FAM193A: variants seen among roughly 807,000 people sequenced by gnomAD.
FAM193A encodes the protein family with sequence similarity 193 member A.
Under a neutral mutation model 126.5 loss-of-function variants are expected in FAM193A, and 22 were observed. The observed-to-expected ratio is 0.17, with a 90% confidence interval of 0.12 to 0.25. The LOEUF (loss-of-function observed/expected upper bound fraction) is 0.25, where lower values mean the gene tolerates loss of function less well. Ranked by LOEUF, FAM193A falls within the 10% of genes least tolerant of loss-of-function variation. The pLI is 1.00. For missense variants in FAM193A, 1,675 were observed against 1,672.8 expected, an observed-to-expected ratio of 1.00 and a Z score of -0.02; for synonymous variants, 761 against 646.8, an observed-to-expected ratio of 1.18 and a Z score of -2.68.
upstream of FAM193A, among the ~76,000 whole-genome samples, chr4:2,536,460 G>C (rs761804228): frequency 2.9e-4 from 44 of 151,850 alleles, no homozygotes; most frequent in Non-Finnish European, 4.3e-4. Flanking sequence ...GCTGCTGCAC[G>C]GGCAGCACGG....
intron 2 of FAM193A, among the ~76,000 whole-genome samples, chr4:2,601,720 C>T (rs1741208265): frequency 6.7e-6 from 1 of 149,718 alleles, no homozygotes; most frequent in Non-Finnish European, 1.5e-5. Context: ...AAGACTCTGT[C>T]TCTATAAAAA....
intron 15 of FAM193A, among the ~76,000 whole-genome samples, chr4:2,691,789 A>G (rs1278278732): frequency 6.6e-6 from 1 of 151,264 alleles, no homozygotes; most frequent in East Asian, 1.9e-4. Context: ...AAAAAAAAAA[A>G]GTTAAAAAAA....
chr4:2,710,454 G>A (rs936769127), intron 19 of FAM193A, among the ~76,000 whole-genome samples: 1 of 150,264 alleles, frequency 6.7e-6, no homozygotes, highest in South Asian at 2.1e-4. Context: ...ATTACAGGTG[G>A]GAGCCACTGT....
In FAM193A at chr4:2,659,870, C is replaced by G. The variant is rs200559674; in HGVS notation, c.1561C>G (p.Pro521Ala). 23 of 1,613,994 alleles carry G rather than the reference C, an allele frequency of 1.4e-5. No individual in the cohort carries two copies. The highest frequency in any genetic ancestry group is 1.7e-5 in the Non-Finnish European group (20 of 1,179,974). ...HILTCGIMDP[P>A]VTDDIHIHQL... Reference sequence around the variant, plus strand: ...CCTCACGTGTGGTATCATGGACCCCCCCGTCACTGATGACATCCACATTCA... The same window carrying G: ...CCTCACGTGTGGTATCATGGACCCCGCCGTCACTGATGACATCCACATTCA... Residue 521 changes from proline (P) to alanine (A), a missense_variant, in exon 10 of 21, where the codon CCC becomes GCC. Physicochemically the swap from Pro to Ala is conservative, Grantham distance 27 (BLOSUM62 -1). This residue lies in a region of FAM193A where 1,186 missense variants were observed against 1,109.2 expected (regional missense o/e 1.07). Coordinates refer to ENST00000637812, the MANE Select transcript of FAM193A (RefSeq NM_001366318.2).
At chr4:2,588,873 T>A (rs1048567962) in intron 1 of FAM193A, among the ~76,000 whole-genome samples, 1 of 152,200 alleles carries the variant, frequency 6.6e-6, no homozygotes, top group Non-Finnish European at 1.5e-5. Flanking sequence ...TTATTTGACC[T>A]TAGTAGATTA....
chr4:2,711,284 T>C (rs1718942489), intron 19 of FAM193A, among the ~76,000 whole-genome samples: 1 of 152,172 alleles, frequency 6.6e-6, no homozygotes, highest in African/African-American at 2.4e-5. Context: ...TCTGATCTTT[T>C]TCTTAACAAT....
At chr4:2,663,332 G>T (rs781506151) in intron 12 of FAM193A, 44 bp downstream of exon 12, 1 of 1,462,360 alleles carries the variant, frequency 6.8e-7, no homozygotes, top group South Asian at 1.4e-5. Context: ...CTTTTTCTGT[G>T]TGTATTTTCT....
rs1275944503 is a variant in FAM193A, at chr4:2,716,012, T to C, written c.4373-11T>C. ...TGTAATTTGACTTGCTGCTTCTCTT[T>C]TGTTTTACAGATGATGTCTTTCTAC... On this transcript the variant is annotated splice_polypyrimidine_tract_variant and intron_variant, in intron 19 of 20. Transcript: ENST00000637812. The C allele has an allele frequency of 9.2e-6, 14 of 1,518,084 alleles. No homozygotes were observed. The highest frequency in any genetic ancestry group is 1.3e-5 in the Non-Finnish European group (14 of 1,092,244). The allele number at this position is 1,518,084 out of a possible 1,614,324, so 94.0% of individuals were successfully genotyped here. A position where few individuals can be genotyped will look rare whatever the true frequency, so the allele number is the denominator to read the frequency against.
intron 19 of FAM193A, among the ~76,000 whole-genome samples, chr4:2,710,934 C>G (rs1379272678): frequency 2.1e-5 from 3 of 145,766 alleles, no homozygotes; most frequent in Non-Finnish European, 1.5e-5. Flanking sequence ...TCACTGCAAA[C>G]TCCGCCTCCC....
At chr4:2,618,741 G>A (rs1175857682) in intron 2 of FAM193A, among the ~76,000 whole-genome samples, 4 of 151,740 alleles carry the variant, frequency 2.6e-5, no homozygotes, top group Non-Finnish European at 4.4e-5. Context: ...GATTACAGGC[G>A]TGTGCCATCA....
chr4:2,593,432 C>G (rs931890193), intron 1 of FAM193A, among the ~76,000 whole-genome samples: 1 of 152,220 alleles, frequency 6.6e-6, no homozygotes, highest in Admixed American at 6.5e-5. Flanking sequence ...GGGGTCTCCT[C>G]AAGGAGGCCC....
rs530257407 is a variant in FAM193A, at chr4:2,586,190, C to G, written c.256-9894C>G. ...CCCAGGAGGGAGAGGTTGCAGTGAC[C>G]TGAGATGATGCCATTGCACTCCAGC... On this transcript the variant is annotated intron_variant, in intron 1 of 20. Coordinates refer to ENST00000637812, the MANE Select transcript of FAM193A (RefSeq NM_001366318.2). 3.3e-5 allele frequency among the ~76,000 whole-genome samples: 5 copies of G among 151,714 alleles called. No individual in the cohort carries two copies. The South Asian group carries it at 6.2e-4, about 19-fold the overall frequency.
At position 2,596,135 on chromosome 4, in the gene FAM193A, G is replaced by A. The variant is rs1401140653; in HGVS notation, c.307G>A (p.Asp103Asn). 2.8e-6 allele frequency: 2 copies of A among 702,950 alleles called. No homozygotes were observed. The highest frequency in any genetic ancestry group is 5.2e-6 in the Non-Finnish European group (2 of 384,996). The allele number at this position is 702,950 out of a possible 1,614,324, so 43.5% of individuals were successfully genotyped here. A position where few individuals can be genotyped will look rare whatever the true frequency, so the allele number is the denominator to read the frequency against. The change falls in exon 2 of 21, where the codon GAT becomes AAT. Residue 103 changes from aspartate (D) to asparagine (N), a missense_variant. Around this residue, in one of 4 missense-constraint regions of FAM193A, gnomAD observed 1,186 missense variants for 1,109.2 expected, o/e 1.07. Transcript: ENST00000637812. ...NHRTPPYPAG[D>N]YCLLCRSERK... ...TAGGACACCACCCTACCCTGCTGGG[G>A]ATTATTGTCTTCTGTGCAGAAGTGA...
chr4:2,717,012 C>T (rs1305684439), intron 20 of FAM193A, among the ~76,000 whole-genome samples: 2 of 151,750 alleles, frequency 1.3e-5, no homozygotes, highest in African/African-American at 4.8e-5. Context: ...GAGACAGAGT[C>T]TCTGTCACCC....
intron 20 of FAM193A, among the ~76,000 whole-genome samples, chr4:2,721,216 G>A (rs1720106609): frequency 6.6e-6 from 1 of 151,218 alleles, no homozygotes; most frequent in Non-Finnish European, 1.5e-5. Flanking sequence ...GGGAGGCTGA[G>A]GCAGGAGAAT....
At chr4:2,639,907 CTT>C (rs1465595549) in intron 6 of FAM193A, 48 bp downstream of exon 6, 13 of 1,581,998 alleles carry the variant, frequency 8.2e-6, no homozygotes, top group Non-Finnish European at 1.1e-5. Context: ...ACAGCACAGT[CTT>C]TTCTCCTGAC....
chr4:2,708,846 T>C (rs983259290), intron 19 of FAM193A, among the ~76,000 whole-genome samples: 2 of 152,218 alleles, frequency 1.3e-5, no homozygotes, highest in Non-Finnish European at 2.9e-5. Flanking sequence ...TTCCAGGCAT[T>C]CTATTATATA....
chr4:2,712,181 G>A (rs2109357201), intron 19 of FAM193A, among the ~76,000 whole-genome samples: 1 of 152,084 alleles, frequency 6.6e-6, no homozygotes, highest in East Asian at 1.9e-4. Flanking sequence ...TTGGTATAGA[G>A]TTCACTGTGT....
At chr4:2,572,165 C>CA (rs66899515) in intron 1 of FAM193A, among the ~76,000 whole-genome samples, 23 of 108,292 alleles carry the variant, frequency 2.1e-4, no homozygotes, top group South Asian at 3.2e-4. Context: ...CCTCTGTGTC[C>CA]AAAAAAAAAA....
Sources: allele counts gnomAD v4.1 joint callset (sites outside exome capture counted in the v4.1 genomes callset), GRCh38; gene constraint gnomAD v4.1.1; regional missense constraint gnomAD v4.1.1; transcripts MANE v1.5; gene names NCBI Gene and HGNC (gene_info 2026-07-23, HGNC 2026-07-21).